The following ZNF14 variants were observed in gnomAD, a reference collection of about 807,000 sequenced individuals.
ZNF14 encodes the protein zinc finger protein 14, also known as gonadotropin inducible transcription repressor-4.
In ZNF14, 9 loss-of-function variants were observed where a neutral mutation model predicts 11.3. The ratio of observed to expected loss-of-function variants is 0.80; its 90% CI spans 0.48 to 1.39. The LOEUF is 1.39. Among genes scored for constraint, ZNF14 ranks in the 40% most tolerant of loss-of-function variants. The pLI, the probability that ZNF14 is intolerant of heterozygous loss-of-function variation, is 0.00. For synonymous variants in ZNF14, 239 were observed against 245.7 expected (o/e 0.97, Z 0.25); for missense variants, 711 against 763.9 (o/e 0.93, Z 0.82).
intron 1 of ZNF14, among the ~76,000 whole-genome samples, chr19:19,724,726 G>A (rs1477269085): frequency 7.5e-6 from 1 of 133,024 alleles, no homozygotes; most frequent in Non-Finnish European, 1.7e-5. Flanking sequence ...AAGTCTCTTT[G>A]TAGGTCTCTA....
chr19:19,712,659 A>T lies in ZNF14; in HGVS notation c.622T>A (p.Tyr208Asn). ...ECKQCGKTFIYYQSFQKHAHT... is the reference protein window; with the variant it reads ...ECKQCGKTFINYQSFQKHAHT... Reference sequence around the variant, plus strand: ...GCATGTTTTTGAAAAGACTGGTAATATATAAAGGTTTTTCCACATTGCTTA... The same window carrying T: ...GCATGTTTTTGAAAAGACTGGTAATTTATAAAGGTTTTTCCACATTGCTTA... Residue 208 changes from tyrosine (Y) to asparagine (N), a missense_variant, in exon 4 of 4, where the codon TAT (tyrosine) becomes AAT (asparagine). Tyr to Asn is a moderately radical substitution (Grantham distance 143, BLOSUM62 -2). Transcript: ENST00000344099. The T allele has an allele frequency of 1.9e-6, 3 of 1,613,972 alleles. No individual in the cohort carries two copies. Among genetic ancestry groups the T allele is most frequent in the Non-Finnish European group, 1.7e-6 (2 of 1,179,986 alleles).
chr19:19,720,707 A>C lies in ZNF14; in HGVS notation c.4-6220T>G, dbSNP rs2062390921. Among the ~76,000 whole-genome samples, 1 of 152,182 alleles carries C rather than the reference A, an allele frequency of 6.6e-6. No individual in the cohort carries two copies. The highest frequency in any genetic ancestry group is 2.1e-4 in the South Asian group (1 of 4,828). ...TAATTGGAAGCCCCTAAAATTAAAA[A>C]TAATCAGGGAACTCATTTTACATCA... is the stretch of plus-strand genomic sequence containing the variant. On this transcript the variant is annotated intron_variant, in intron 1 of 3. Coordinates refer to ENST00000344099, the MANE Select transcript of ZNF14 (RefSeq NM_021030.3). This position sits in a 1 kb window ranked among gnomAD's most constrained non-coding sequence, Gnocchi z 4.1.
At chr19:19,718,176 T>C (rs2062382800) in intron 1 of ZNF14, among the ~76,000 whole-genome samples, 1 of 152,108 alleles carries the variant, frequency 6.6e-6, no homozygotes, top group Non-Finnish European at 1.5e-5. Context: ...CCAGATTAGG[T>C]ATAGAAGAGA....
intron 1 of ZNF14, among the ~76,000 whole-genome samples, chr19:19,721,104 C>T (rs1212649939): frequency 2.0e-5 from 3 of 152,142 alleles, no homozygotes; most frequent in Non-Finnish European, 4.4e-5. Flanking sequence ...ACTATAGGCA[C>T]GCACCACCAT....
At chr19:19,713,380 G>A (rs117335191) in intron 3 of ZNF14, among the ~76,000 whole-genome samples, 6,977 of 152,008 alleles carry the variant, frequency 0.046, 202 homozygotes, top group Middle Eastern at 0.12. Flanking sequence ...TTGAATTCCT[G>A]GGCTCAACCA....
intron 1 of ZNF14, among the ~76,000 whole-genome samples, chr19:19,718,839 C>T (rs1599469544): frequency 6.6e-6 from 1 of 152,140 alleles, no homozygotes; most frequent in East Asian, 1.9e-4. Flanking sequence ...GATCCTGGCC[C>T]ACTGCAACCT....
chr19:19,714,076 G>A lies in ZNF14; in HGVS notation c.191+15C>T, dbSNP rs778032619. 1.9e-6 allele frequency: 3 copies of A among 1,611,306 alleles called. No homozygotes were observed. Among genetic ancestry groups the A allele is most frequent in the Non-Finnish European group, 2.5e-6 (3 of 1,178,624 alleles). On this transcript the variant is annotated intron_variant, in intron 3 of 3. Coordinates refer to ENST00000344099, the MANE Select transcript of ZNF14 (RefSeq NM_021030.3). ...TTCCCCCACGGGCCACTATTTTTCT[G>A]TGGATGCAACTCACCTTCGATTTTT...
chr19:19,724,343 A>C (rs1405032199), intron 1 of ZNF14, among the ~76,000 whole-genome samples: 1 of 134,188 alleles, frequency 7.5e-6, no homozygotes, highest in Non-Finnish European at 1.7e-5. Context: ...TTATGCACCC[A>C]ATAGTCATTC....
chr19:19,714,254 G>A, intron 2 of ZNF14, 103 bp from the exon 3 acceptor site: 1 of 1,590,422 alleles, frequency 6.3e-7, no homozygotes, highest in Non-Finnish European at 8.6e-7. Context: ...TTCAATCACT[G>A]AAAGATTCCC....
chr19:19,715,526 G>A (rs903059091), intron 1 of ZNF14, among the ~76,000 whole-genome samples: 11 of 152,186 alleles, frequency 7.2e-5, no homozygotes, highest in African/African-American at 2.7e-4. Flanking sequence ...TTGTGCAGGG[G>A]GAAGTGTATT....
chr19:19,718,310 CAA>C (rs1167111406), intron 1 of ZNF14, among the ~76,000 whole-genome samples: 1 of 151,974 alleles, frequency 6.6e-6, no homozygotes, highest in Non-Finnish European at 1.5e-5. Context: ...GAAATTCTAA[CAA>C]AGAATCAAAA....
Position 19,711,695 on chromosome 19 carries a change from T to C in ZNF14, c.1586A>G (p.Lys529Arg). 6.2e-7 allele frequency: 1 copy of C among 1,614,142 alleles called. No homozygotes were observed. Among genetic ancestry groups the C allele is most frequent in the Non-Finnish European group, 8.5e-7 (1 of 1,180,020 alleles). ...REHEKIHTGN[K>R]PFECKQCGKA... ...ACCACATTGCTTACACTCAAAAGGCTTATTTCCAGTGTGAATTTTTTCATG... is the reference window on the plus strand; with the variant it reads ...ACCACATTGCTTACACTCAAAAGGCCTATTTCCAGTGTGAATTTTTTCATG... Residue 529 changes from lysine (K) to arginine (R), a missense_variant, in exon 4 of 4, where the codon AAG becomes AGG. Physicochemically the swap from Lys to Arg is conservative, Grantham distance 26. Transcript: ENST00000344099.
Position 19,732,989 on chromosome 19 carries a change from C to T in ZNF14, c.-31G>A. The stretch of plus-strand genomic sequence containing the variant: ...AGCGTCCGGGAAGTCACGGTGTCCT[C>T]CCTACGGATCTGTCAGTACCTGCAG... On this transcript the variant is annotated 5_prime_UTR_variant, in exon 1 of 4. Coordinates refer to ENST00000344099, the MANE Select transcript of ZNF14 (RefSeq NM_021030.3). The T allele has an allele frequency of 1.2e-6, 2 of 1,612,812 alleles. No individual in the cohort carries two copies. The highest frequency in any genetic ancestry group is 1.7e-6 in the Non-Finnish European group (2 of 1,179,304).
rs1432068493 is a variant in ZNF14, at chr19:19,726,832, A to C, written c.3+6124T>G. On this transcript the variant is annotated intron_variant, in intron 1 of 3. Transcript: ENST00000344099. Reference sequence around the variant, plus strand: ...TGCTGCCGACTTGCAGTTTGATCTCAGACTGCTGTGCTAGCAGTGAAAGAG... The same window carrying C: ...TGCTGCCGACTTGCAGTTTGATCTCCGACTGCTGTGCTAGCAGTGAAAGAG... 5.2e-5 allele frequency among the ~76,000 whole-genome samples: 7 copies of C among 133,618 alleles called. 2 individuals carry two copies. The allele number at this position is 133,618 out of a possible 152,430, so 87.7% of individuals were successfully genotyped here.
intron 1 of ZNF14, among the ~76,000 whole-genome samples, chr19:19,716,713 T>C (rs1392742890): frequency 6.6e-6 from 1 of 152,086 alleles, no homozygotes; most frequent in Non-Finnish European, 1.5e-5. Flanking sequence ...AAGTAAAAAA[T>C]AAACATCAAA....
intron 1 of ZNF14, among the ~76,000 whole-genome samples, chr19:19,731,334 G>T (rs914535362): frequency 1.3e-5 from 2 of 152,052 alleles, no homozygotes; most frequent in Non-Finnish European, 2.9e-5. Flanking sequence ...CAGCACTTTG[G>T]GAGGTTGAGG....
intron 1 of ZNF14, among the ~76,000 whole-genome samples, chr19:19,727,064 G>A (rs1318881316): frequency 1.5e-5 from 2 of 133,316 alleles, no homozygotes; most frequent in African/African-American, 2.8e-5. Flanking sequence ...CCTGCTCCAT[G>A]GGCTGCACCC....
Position 19,712,287 on chromosome 19 carries a change from C to G in ZNF14, c.994G>C (p.Ala332Pro). The G allele has an allele frequency of 6.2e-7, 1 of 1,613,932 alleles. No individual in the cohort carries two copies. Among genetic ancestry groups the G allele is most frequent in the Non-Finnish European group, 8.5e-7 (1 of 1,179,988 alleles). ...CATTCTTTACATTTATAAGGTCGAG[C>G]CCCAGTGTGTATTATTACATGTGCT... is the stretch of plus-strand genomic sequence containing the variant. ...FRAHVIIHTG[A>P]RPYKCKECGK... The change falls in exon 4 of 4, where the codon GCT becomes CCT. Residue 332 changes from alanine to proline, a missense_variant. By Grantham distance (27) the Ala-to-Pro change is conservative (BLOSUM62 -1). Transcript: ENST00000344099.
intron 3 of ZNF14, 34 bp downstream of exon 3, chr19:19,714,057 C>A: frequency 1.3e-6 from 2 of 1,597,690 alleles, no homozygotes; most frequent in Non-Finnish European, 1.7e-6. Context: ...GAAATTCCCC[C>A]ACGGGCCACT....
Sources: allele counts gnomAD v4.1 joint callset (sites outside exome capture counted in the v4.1 genomes callset), GRCh38; gene constraint gnomAD v4.1.1; non-coding constraint Gnocchi (gnomAD v3.1); transcripts MANE v1.5; gene names NCBI Gene and HGNC (gene_info 2026-07-23, HGNC 2026-07-21).